TM4SF4: variants seen among roughly 807,000 people sequenced by gnomAD.
TM4SF4 encodes the protein transmembrane 4 L6 family member 4.
Under a neutral mutation model 24.1 loss-of-function variants are expected in TM4SF4, and 24 were observed. That is an observed-to-expected ratio of 1.00 (90% CI 0.72 to 1.40). TM4SF4 has a LOEUF of 1.40. Among genes scored for constraint, TM4SF4 ranks in the 40% most tolerant of loss-of-function variants. The probability of loss-of-function intolerance (pLI) is 0.00; values close to 1 mark genes in which losing one functional copy is unlikely to be tolerated. For missense variants in TM4SF4, 254 were observed against 254.2 expected, an observed-to-expected ratio of 1.00 and a Z score of 0.01; for synonymous variants, 113 against 97.0, an observed-to-expected ratio of 1.17 and a Z score of -0.97.
In TM4SF4 at chr3:149,475,062, A is replaced by C. The variant is rs746385425; in HGVS notation, c.174+11A>C. ...GGAAGCGGTGTCTTGGTGAGTAGGG[A>C]AGCTTAAAATCCCCCTAAGGGAGAT... is the stretch of plus-strand genomic sequence containing the variant. On this transcript the variant is annotated intron_variant, in intron 1 of 4. Transcript: ENST00000305354. 3.2e-6 allele frequency: 5 copies of C among 1,540,024 alleles called. No homozygotes were observed. In the Admixed American group the frequency reaches 5.8e-5, roughly 18 times the overall value.
chr3:149,502,633 TA>T, intron 4 of TM4SF4, 42 bp from the exon 5 acceptor site: 2 of 1,541,078 alleles, frequency 1.3e-6, no homozygotes, highest in Non-Finnish European at 1.8e-6. Context: ...AAAATTTACA[TA>T]AATCATGACA....
intron 3 of TM4SF4, among the ~76,000 whole-genome samples, chr3:149,496,456 T>C (rs768949401): frequency 2.2e-4 from 33 of 152,176 alleles, no homozygotes; most frequent in Admixed American, 1.4e-3. Context: ...AGACCCTCTA[T>C]AGCAAAGTTT....
Position 149,474,763 on chromosome 3 carries a change from A to T in TM4SF4, c.-115A>T. ...GAAATTTGGTTCTCAGCCCCAAAAT[A>T]CTGATTGAATTGGAGACAATTACAA... On this transcript the variant is annotated 5_prime_UTR_variant, in exon 1 of 5. Coordinates refer to ENST00000305354, the MANE Select transcript of TM4SF4 (RefSeq NM_004617.4). 8.5e-7 allele frequency: 1 copy of T among 1,173,166 alleles called. No homozygotes were observed. The highest frequency in any genetic ancestry group is 1.2e-6 in the Non-Finnish European group (1 of 852,098). The allele number at this position is 1,173,166 out of a possible 1,614,324, so 72.7% of individuals were successfully genotyped here. A position where few individuals can be genotyped will look rare whatever the true frequency, so the allele number is the denominator to read the frequency against.
intron 2 of TM4SF4, among the ~76,000 whole-genome samples, chr3:149,476,792 G>GTTTTTTTTTTTTTTTTTTTTTTTTTTTT (rs1222196664): frequency 9.7e-6 from 1 of 102,854 alleles, no homozygotes; most frequent in Non-Finnish European, 2.2e-5. Flanking sequence ...TTTCTTTTCT[G>GTTTTTTTTTTTTTTTTTTTTTTTTTTTT]TTTTTTTTTG....
Position 149,474,986 on chromosome 3 carries a change from G to A in TM4SF4, c.109G>A (p.Asp37Asn). The stretch of plus-strand genomic sequence containing the variant: ...ATTTTTTCCTGGAGGAAAAGTGATA[G>A]ATGACAACGACCACCTTTCCCAAGA... ...LLFFPGGKVI[D>N]DNDHLSQEIW... The change falls in exon 1 of 5, where the codon GAT becomes AAT. Residue 37 changes from aspartate (D) to asparagine (N), a missense_variant. Coordinates refer to ENST00000305354, the MANE Select transcript of TM4SF4 (RefSeq NM_004617.4). 2 of 1,613,920 alleles carry A rather than the reference G, an allele frequency of 1.2e-6. No homozygotes were observed. Among genetic ancestry groups the A allele is most frequent in the East Asian group, 2.2e-5 (1 of 44,866 alleles).
At chr3:149,490,441 A>G (rs1734189783) in intron 3 of TM4SF4, among the ~76,000 whole-genome samples, 1 of 152,226 alleles carries the variant, frequency 6.6e-6, no homozygotes, top group Non-Finnish European at 1.5e-5. Context: ...CAAAAAGTTT[A>G]TGAGATTGTT....
intron 2 of TM4SF4, among the ~76,000 whole-genome samples, chr3:149,483,328 A>C (rs147183852): frequency 1.3e-5 from 2 of 152,334 alleles, no homozygotes; most frequent in East Asian, 3.9e-4. Context: ...ATTGTAGGCC[A>C]GGTATGATGG....
chr3:149,476,621 C>G (rs555223320), intron 2 of TM4SF4, among the ~76,000 whole-genome samples: 1 of 152,166 alleles, frequency 6.6e-6, no homozygotes, highest in Non-Finnish European at 1.5e-5. Flanking sequence ...CTGGACTAGA[C>G]CAGAATTTCT....
intron 3 of TM4SF4, among the ~76,000 whole-genome samples, chr3:149,490,404 C>T (rs1363300950): frequency 6.6e-6 from 1 of 152,198 alleles, no homozygotes; most frequent in Non-Finnish European, 1.5e-5. Context: ...AAAGTGCTGT[C>T]ACCTATATTG....
chr3:149,475,971 C>T, intron 2 of TM4SF4, 59 bp downstream of exon 2: 2 of 1,456,916 alleles, frequency 1.4e-6, no homozygotes, highest in Non-Finnish European at 1.9e-6. Context: ...TGCTTTTGTG[C>T]TGGGCAGCAT....
intron 2 of TM4SF4, 133 bp from the exon 3 acceptor site, chr3:149,487,486 A>G: frequency 1.9e-6 from 2 of 1,028,584 alleles, no homozygotes; most frequent in East Asian, 2.5e-5. Flanking sequence ...CACAGGCCCC[A>G]TCTACTATAA....
chr3:149,476,792 G>GTT (rs1222196664), intron 2 of TM4SF4, among the ~76,000 whole-genome samples: 1 of 102,852 alleles, frequency 9.7e-6, no homozygotes, highest in African/African-American at 3.2e-5. Context: ...TTTCTTTTCT[G>GTT]TTTTTTTTTG....
intron 2 of TM4SF4, among the ~76,000 whole-genome samples, chr3:149,482,349 C>A (rs1471375247): frequency 2.6e-5 from 4 of 152,142 alleles, no homozygotes; most frequent in Admixed American, 2.0e-4. Flanking sequence ...GTAGAGTATG[C>A]CCATAGCACA....
intron 2 of TM4SF4, among the ~76,000 whole-genome samples, chr3:149,485,596 C>T (rs1236552450): frequency 1.3e-5 from 2 of 152,094 alleles, no homozygotes; most frequent in African/African-American, 4.8e-5. Flanking sequence ...TCTGTGACTT[C>T]AAGGAACTTG....
intron 2 of TM4SF4, among the ~76,000 whole-genome samples, chr3:149,480,954 G>A (rs1734023905): frequency 1.3e-5 from 2 of 152,022 alleles, no homozygotes; most frequent in African/African-American, 4.8e-5. Context: ...TCCGCCTCCT[G>A]GATTCACGCG....
chr3:149,479,154 A>C (rs928971195), intron 2 of TM4SF4, among the ~76,000 whole-genome samples: 3 of 151,888 alleles, frequency 2.0e-5, no homozygotes, highest in Non-Finnish European at 4.4e-5. Context: ...TTAATCTGGC[A>C]CCCCTAGCCT....
At chr3:149,500,608 T>C (rs966489825) in intron 4 of TM4SF4, among the ~76,000 whole-genome samples, 2 of 152,248 alleles carry the variant, frequency 1.3e-5, no homozygotes, top group African/African-American at 4.8e-5. Flanking sequence ...TTATATCTTG[T>C]AATTCATCCA....
chr3:149,482,366 G>T (rs529573922), intron 2 of TM4SF4, among the ~76,000 whole-genome samples: 3 of 152,110 alleles, frequency 2.0e-5, no homozygotes, highest in African/African-American at 4.8e-5. Flanking sequence ...CACAAAAACC[G>T]CAAAGGAAGA....
chr3:149,489,214 CA>C (rs1734169175), intron 3 of TM4SF4, among the ~76,000 whole-genome samples: 1 of 152,224 alleles, frequency 6.6e-6, no homozygotes, highest in East Asian at 1.9e-4. Flanking sequence ...CAGATCCCAG[CA>C]GGCTGAGCCC....
Sources: gnomAD v4.1 joint callset for allele counts (sites outside exome capture counted in the v4.1 genomes callset) on GRCh38, gnomAD v4.1.1 for gene constraint, MANE v1.5 for transcripts, NCBI Gene and HGNC (gene_info 2026-07-23, HGNC 2026-07-21) for gene names.